Variants in SKAP1 observed in about 807,000 individuals in gnomAD.
SKAP1 encodes the protein src kinase associated phosphoprotein 1, also known as src kinase-associated phosphoprotein 1.
A neutral mutation model predicts 58.5 loss-of-function variants in SKAP1; 44 were observed. That is an observed-to-expected ratio of 0.75 (90% CI 0.59 to 0.97). SKAP1 has a LOEUF of 0.97. Ranked by LOEUF, SKAP1 falls within the 50% of genes least tolerant of loss-of-function variation. SKAP1 has a pLI of 0.00. For missense variants in SKAP1, 390 were observed against 435.2 expected, an observed-to-expected ratio of 0.90 and a Z score of 0.92; for synonymous variants, 127 against 149.7, an observed-to-expected ratio of 0.85 and a Z score of 1.11.
chr17:48,199,098 G>A (rs2064689190), intron 4 of SKAP1, among the ~76,000 whole-genome samples: 1 of 152,148 alleles, frequency 6.6e-6, no homozygotes, highest in Non-Finnish European at 1.5e-5. Context: ...TATGCCACTG[G>A]ACTGTGATAA....
intron 11 of SKAP1, among the ~76,000 whole-genome samples, chr17:48,161,271 G>A (rs1471012046): frequency 2.0e-5 from 3 of 152,114 alleles, no homozygotes; most frequent in African/African-American, 7.2e-5. Context: ...AAAGATAAAC[G>A]ATAAATGACA....
At chr17:48,253,189 G>C (rs2065386542) in intron 4 of SKAP1, among the ~76,000 whole-genome samples, 1 of 152,206 alleles carries the variant, frequency 6.6e-6, no homozygotes, top group Non-Finnish European at 1.5e-5. Context: ...AGTATAAAGA[G>C]AGGCTAAGGC....
Position 48,137,337 on chromosome 17 carries a change from C to G in SKAP1, c.979G>C (p.Glu327Gln). The change falls in exon 12 of 13, where the codon GAG becomes CAG. Residue 327 changes from glutamate to glutamine, a missense_variant and splice_region_variant. By Grantham distance (29) the Glu-to-Gln change is conservative. Coordinates refer to ENST00000336915, the MANE Select transcript of SKAP1 (RefSeq NM_003726.4). Reference sequence around the variant, plus strand: ...ACCCACCAGCCATACATGTTATACTCCTGAAAAGTGAAAAGAGGATAGCGT... The same window carrying G: ...ACCCACCAGCCATACATGTTATACTGCTGAAAAGTGAAAAGAGGATAGCGT... The part of the protein sequence containing the change: ...RGDLIRILSK[E>Q]YNMYGWWVGE... 6.2e-7 allele frequency: 1 copy of G among 1,607,690 alleles called. No homozygotes were observed. The highest frequency in any genetic ancestry group is 8.5e-7 in the Non-Finnish European group (1 of 1,174,274).
intron 4 of SKAP1, among the ~76,000 whole-genome samples, chr17:48,218,713 T>A (rs551512696): frequency 6.6e-6 from 1 of 152,314 alleles, no homozygotes; most frequent in South Asian, 2.1e-4. Context: ...GTGTCAAAAG[T>A]GTAGTTTCAT....
At chr17:48,396,006 A>G (rs2067413848) in intron 2 of SKAP1, among the ~76,000 whole-genome samples, 10 of 152,236 alleles carry the variant, frequency 6.6e-5, no homozygotes, top group Admixed American at 5.2e-4. Context: ...AGGTTTGAAA[A>G]GGCTAAAGGA....
chr17:48,163,486 G>A (rs1419669723), intron 10 of SKAP1, among the ~76,000 whole-genome samples: 3 of 152,206 alleles, frequency 2.0e-5, no homozygotes, highest in Non-Finnish European at 4.4e-5. Context: ...GGATTTGAAT[G>A]GCAGGAGAGC....
At chr17:48,156,243 T>A (rs991601331) in intron 11 of SKAP1, among the ~76,000 whole-genome samples, 12 of 152,218 alleles carry the variant, frequency 7.9e-5, no homozygotes, top group Non-Finnish European at 1.3e-4. Flanking sequence ...TTCTGTGAGA[T>A]TAATTCTGTG....
intron 4 of SKAP1, among the ~76,000 whole-genome samples, chr17:48,237,627 T>C (rs2065195572): frequency 6.6e-6 from 1 of 152,098 alleles, no homozygotes; most frequent in Non-Finnish European, 1.5e-5. Context: ...TGGAGGAGGA[T>C]GAAAGATAGG....
chr17:48,344,746 T>C (rs1472045160), intron 4 of SKAP1, among the ~76,000 whole-genome samples: 1 of 152,174 alleles, frequency 6.6e-6, no homozygotes, highest in Non-Finnish European at 1.5e-5. Context: ...TGTGCTATTA[T>C]ACAAAATAAA....
chr17:48,419,927 T>A lies in SKAP1; in HGVS notation c.46+10148A>T, dbSNP rs115461299. ...CAGCAGCCTTGAGGAAGACTTGCTA[T>A]CTGGATGGTAAGACCACTCTATTCC... is the stretch of plus-strand genomic sequence containing the variant. On this transcript the variant is annotated intron_variant, in intron 1 of 12. Coordinates refer to ENST00000336915, the MANE Select transcript of SKAP1 (RefSeq NM_003726.4). 4.0e-3 allele frequency among the ~76,000 whole-genome samples: 616 copies of A among 152,318 alleles called. 8 individuals carry two copies. The highest frequency in any genetic ancestry group is 0.014 in the African/African-American group (590 of 41,560).
intron 2 of SKAP1, among the ~76,000 whole-genome samples, chr17:48,375,114 C>G: frequency 6.6e-6 from 1 of 152,122 alleles, no homozygotes; most frequent in Middle Eastern, 3.2e-3. Context: ...GCATATAACT[C>G]AATTATGTAA....
chr17:48,349,904 A>C (rs2066776012), intron 3 of SKAP1, among the ~76,000 whole-genome samples: 1 of 152,126 alleles, frequency 6.6e-6, no homozygotes, highest in South Asian at 2.1e-4. Context: ...TTTCCCCCTT[A>C]ATTCTGAAAC....
chr17:48,346,635 G>T lies in SKAP1; in HGVS notation c.179-629C>A, dbSNP rs1426241626. Among the ~76,000 whole-genome samples the T allele has an allele frequency of 2.6e-5, 4 of 150,958 alleles. No individual in the cohort carries two copies. The South Asian group carries it at 8.4e-4, about 32-fold the overall frequency. ...GCGAGACTCCATCTAAAAAAAAAAAGAATTAAATTTATATTCATATATACT... is the reference window on the plus strand; with the variant it reads ...GCGAGACTCCATCTAAAAAAAAAAATAATTAAATTTATATTCATATATACT... On this transcript the variant is annotated intron_variant, in intron 3 of 12. Transcript: ENST00000336915.
At chr17:48,295,268 G>T (rs371444104) in intron 4 of SKAP1, among the ~76,000 whole-genome samples, 4 of 152,270 alleles carry the variant, frequency 2.6e-5, no homozygotes, top group African/African-American at 7.2e-5. Flanking sequence ...AAGTGACAGT[G>T]CAAACCTTAC....
chr17:48,435,443 G>T, the SKAP1 span, among the ~76,000 whole-genome samples: 2 of 152,188 alleles, frequency 1.3e-5, no homozygotes, highest in African/African-American at 4.8e-5. Context: ...TGAGTGAGAT[G>T]TGGAAACAGT....
intron 4 of SKAP1, among the ~76,000 whole-genome samples, chr17:48,205,049 CTT>C (rs61395671): frequency 3.5e-4 from 46 of 129,664 alleles, no homozygotes; most frequent in African/African-American, 1.0e-3. Context: ...CTCTCTCTCT[CTT>C]TCTTTCTTCT....
intron 4 of SKAP1, among the ~76,000 whole-genome samples, chr17:48,189,878 A>C (rs1017157092): frequency 5.3e-5 from 8 of 151,998 alleles, no homozygotes; most frequent in African/African-American, 1.4e-4. Context: ...GGGTTTCACC[A>C]TGCTGGCCAG....
At chr17:48,405,090 T>TA (rs755105861) in intron 1 of SKAP1, among the ~76,000 whole-genome samples, 17 of 151,948 alleles carry the variant, frequency 1.1e-4, no homozygotes, top group East Asian at 7.7e-4. Flanking sequence ...CAGAAATTAC[T>TA]AAAAAAAACA....
At chr17:48,333,961 A>G (rs2066536633) in intron 4 of SKAP1, among the ~76,000 whole-genome samples, 1 of 152,054 alleles carries the variant, frequency 6.6e-6, no homozygotes, top group African/African-American at 2.4e-5. Context: ...AGATGAAAGC[A>G]TTTGCACACA....
Sources: gnomAD v4.1 joint callset for allele counts (sites outside exome capture counted in the v4.1 genomes callset) on GRCh38, gnomAD v4.1.1 for gene constraint, MANE v1.5 for transcripts, NCBI Gene and HGNC (gene_info 2026-07-23, HGNC 2026-07-21) for gene names.